RHPN1: variants seen among roughly 807,000 people sequenced by gnomAD.
The protein encoded by RHPN1 is rhophilin Rho GTPase binding protein 1, also known as rhophilin-1.
Under a neutral mutation model 74.7 loss-of-function variants are expected in RHPN1, and 77 were observed. The ratio of observed to expected loss-of-function variants is 1.03; its 90% confidence interval spans 0.86 to 1.25. The LOEUF (loss-of-function observed/expected upper bound fraction) is 1.25. RHPN1 is among the 50% of genes most tolerant of loss of function. RHPN1 has a pLI of 0.00. For synonymous variants in RHPN1, 444 were observed against 414.5 expected (o/e 1.07, Z -0.87); for missense variants, 987 against 932.2 (o/e 1.06, Z -0.77).
intron 10 of RHPN1, 44 bp downstream of exon 10, chr8:143,380,219 C>A: frequency 7.5e-7 from 1 of 1,338,676 alleles, no homozygotes; most frequent in Non-Finnish European, 1.0e-6. Context: ...CAGATGGTCA[C>A]CAACGGTGGC....
chr8:143,373,753 C>G (rs1024226777), intron 1 of RHPN1, among the ~76,000 whole-genome samples: 2 of 151,584 alleles, frequency 1.3e-5, no homozygotes, highest in Non-Finnish European at 2.9e-5. Context: ...GCCTCATCCT[C>G]CAGTCTCTGT....
Position 143,381,917 on chromosome 8 carries a change from C to A in RHPN1, c.1746C>A (p.Gly582=). 2 of 1,610,056 alleles carry A rather than the reference C, an allele frequency of 1.2e-6. No individual in the cohort carries two copies. The highest frequency in any genetic ancestry group is 1.7e-6 in the Non-Finnish European group (2 of 1,178,934). ...VTELKAAGEA[G]ASLQVVSLLP... Reference sequence around the variant, plus strand: ...AGCTGAAGGCTGCGGGAGAGGCGGGCGCCAGCCTGCAGGTGGTGTCGCTGC... The same window carrying A: ...AGCTGAAGGCTGCGGGAGAGGCGGGAGCCAGCCTGCAGGTGGTGTCGCTGC... The change falls in exon 14 of 15, where the codon GGC becomes GGA. Residue 582 remains glycine (G), a synonymous_variant. Transcript: ENST00000289013.
chr8:143,377,360 G>A lies in RHPN1; in HGVS notation c.306-20G>A, dbSNP rs373159726. ...GCAGGGTTTGGCCTTACAGTCTGAAGTCGATGCTTCTGGTTACAGCGAAGC... is the reference window on the plus strand; with the variant it reads ...GCAGGGTTTGGCCTTACAGTCTGAAATCGATGCTTCTGGTTACAGCGAAGC... On this transcript the variant is annotated intron_variant, in intron 3 of 14. Transcript: ENST00000289013. 8 of 1,608,664 alleles carry A rather than the reference G, an allele frequency of 5.0e-6. No individual in the cohort carries two copies. The Admixed American group carries it at 6.7e-5, about 13-fold the overall frequency.
At chr8:143,372,103 C>T (rs1177926624) in intron 1 of RHPN1, among the ~76,000 whole-genome samples, 1 of 152,182 alleles carries the variant, frequency 6.6e-6, no homozygotes, top group Non-Finnish European at 1.5e-5. Context: ...AGGCTCCCCG[C>T]AGCTCTCCTG....
chr8:143,371,894 G>T (rs1817845871), intron 1 of RHPN1, among the ~76,000 whole-genome samples: 1 of 152,196 alleles, frequency 6.6e-6, no homozygotes, highest in Non-Finnish European at 1.5e-5. Context: ...CCTTCCACTG[G>T]GCTCAACCTT....
rs750051202 is a variant in RHPN1, at chr8:143,379,948, C to T, written c.1065C>T (p.Ala355=). ...AGGCCGAGTACTTCCGCTCCCTGGC[C>T]CACTACCACGTAGCCATGGCCCTCT... ...HVKAEYFRSL[A]HYHVAMALCD... The change falls in exon 9 of 15, where the codon GCC becomes GCT. Residue 355 remains alanine, a synonymous_variant. Transcript: ENST00000289013. 6.3e-7 allele frequency: 1 copy of T among 1,580,544 alleles called. No individual in the cohort carries two copies. Among genetic ancestry groups the T allele is most frequent in the Admixed American group, 1.8e-5 (1 of 54,672 alleles).
intron 7 of RHPN1, 91 bp from the exon 8 acceptor site, chr8:143,379,224 G>C (rs1004749444): frequency 7.1e-7 from 1 of 1,415,140 alleles, no homozygotes; most frequent in African/African-American, 1.4e-5. Flanking sequence ...TGTGTCCCAG[G>C]AGCATCCCTA....
At chr8:143,364,284 C>T (rs565425111), upstream of RHPN1, among the ~76,000 whole-genome samples, 2 of 152,334 alleles carry the variant, frequency 1.3e-5, no homozygotes, top group Admixed American at 1.3e-4. The surrounding 1 kb of genome is among the most constrained non-coding windows in gnomAD (Gnocchi z 4.5). Flanking sequence ...TTTTTATTTG[C>T]CAGAAAAGTG....
Position 143,380,450 on chromosome 8 carries a change from C to T in RHPN1, c.1217-139C>T, listed in dbSNP as rs1586830910. 4 of 785,042 alleles carry T rather than the reference C, an allele frequency of 5.1e-6. No individual in the cohort carries two copies. In the South Asian group the frequency reaches 7.5e-5, roughly 15 times the overall value. 48.6% of individuals were successfully genotyped at this position (785,042 alleles called of 1,614,324 possible). A position where few individuals can be genotyped will look rare whatever the true frequency, so the allele number is the denominator to read the frequency against. ...TGGCAGAGCCCTCCTGCACAGCCAG[C>T]TCCTCACCCCCGTGGCGCGCACCCC... On this transcript the variant is annotated intron_variant, in intron 10 of 14. Coordinates refer to ENST00000289013, the MANE Select transcript of RHPN1 (RefSeq NM_052924.3).
At chr8:143,375,797 G>C in intron 2 of RHPN1, 129 bp downstream of exon 2, 1 of 655,156 alleles carries the variant, frequency 1.5e-6, no homozygotes, top group South Asian at 2.0e-5. Context: ...GCTGGGTCCT[G>C]GTGGGCACGT....
chr8:143,381,698 A>C lies in RHPN1; in HGVS notation c.1615A>C (p.Ile539Leu). 6.2e-7 allele frequency: 1 copy of C among 1,611,354 alleles called. No individual in the cohort carries two copies. Among genetic ancestry groups the C allele is most frequent in the South Asian group, 1.1e-5 (1 of 90,938 alleles). Residue 539 changes from isoleucine to leucine, a missense_variant, in exon 13 of 15, where the codon ATT (isoleucine) becomes CTT (leucine). Ile to Leu is a conservative substitution (Grantham distance 5). Coordinates refer to ENST00000289013, the MANE Select transcript of RHPN1 (RefSeq NM_052924.3). ...CTCGCCTGTCCTCATCGCTGCCGTC[A>C]TTCCAGGGAGCCAGGCCGCGGTAAG... ...GDSPVLIAAV[I>L]PGSQAAAAGL...
In RHPN1 at chr8:143,375,559, G is replaced by T; in HGVS notation, c.67G>T (p.Asp23Tyr). Residue 23 changes from aspartate to tyrosine, a missense_variant, in exon 2 of 15, where the codon GAC (aspartate) becomes TAC (tyrosine). Coordinates refer to ENST00000289013, the MANE Select transcript of RHPN1 (RefSeq NM_052924.3). The part of the protein sequence containing the change: ...GEESPRLQGC[D>Y]SLTQIQCGQL... ...GCCTGTGGCCTCCCTGCAGGGCTGT[G>T]ACTCCCTGACGCAGATCCAGTGCGG... 6.3e-7 allele frequency: 1 copy of T among 1,591,678 alleles called. No homozygotes were observed. The highest frequency in any genetic ancestry group is 1.1e-5 in the South Asian group (1 of 88,012).
At chr8:143,377,873 C>A (rs560246633) in intron 4 of RHPN1, among the ~76,000 whole-genome samples, 345 of 152,352 alleles carry the variant, frequency 2.3e-3, no homozygotes, top group African/African-American at 7.7e-3. Flanking sequence ...CACTGCCTGG[C>A]AGGGCCCCAC....
chr8:143,369,082 C>A (rs1817659926), intron 1 of RHPN1, 35 bp downstream of exon 1: 1 of 1,436,230 alleles, frequency 7.0e-7, no homozygotes, highest in African/African-American at 1.5e-5. Flanking sequence ...GGAGGAGGGG[C>A]CCGGAATCCC....
In RHPN1 at chr8:143,368,950, G is replaced by A. The variant is rs901682301; in HGVS notation, c.-38G>A. 44 of 1,439,852 alleles carry A rather than the reference G, an allele frequency of 3.1e-5. No homozygotes were observed. In the African/African-American group the frequency reaches 5.1e-4, roughly 17 times the overall value. 89.2% of individuals were successfully genotyped at this position (1,439,852 alleles called of 1,614,324 possible). A position where few individuals can be genotyped will look rare whatever the true frequency, so the allele number is the denominator to read the frequency against. On this transcript the variant is annotated 5_prime_UTR_variant, in exon 1 of 15. Transcript: ENST00000289013. ...GGAGCGCTGCGCGAGCGGCGGGCTG[G>A]CTGACCCCGAGGGACCCCCAGCGCA... is the stretch of plus-strand genomic sequence containing the variant.
upstream of RHPN1, among the ~76,000 whole-genome samples, chr8:143,365,241 C>T (rs1189725252): frequency 6.6e-6 from 1 of 152,152 alleles, no homozygotes; most frequent in Non-Finnish European, 1.5e-5. Flanking sequence ...TAAGTACCAG[C>T]GATCAGCATC....
intron 1 of RHPN1, among the ~76,000 whole-genome samples, chr8:143,374,886 G>T (rs1214932337): frequency 6.6e-6 from 1 of 152,248 alleles, no homozygotes; most frequent in African/African-American, 2.4e-5. Flanking sequence ...CGCCATGGCT[G>T]GTGCTGGGCA....
chr8:143,365,069 G>A (rs545718910), upstream of RHPN1, among the ~76,000 whole-genome samples: 1 of 152,216 alleles, frequency 6.6e-6, no homozygotes, highest in East Asian at 1.9e-4. Flanking sequence ...ATCTTAACAG[G>A]CGCAACAGTG....
Position 143,376,682 on chromosome 8 carries a change from C to T in RHPN1, c.305+29C>T, listed in dbSNP as rs76059916. ...CGGGTGGGGGCCGGGACAGCACGTGCGTGTATGTGTGTGCACGTGTGCGTG... is the reference window on the plus strand; with the variant it reads ...CGGGTGGGGGCCGGGACAGCACGTGTGTGTATGTGTGTGCACGTGTGCGTG... On this transcript the variant is annotated intron_variant, in intron 3 of 14. Coordinates refer to ENST00000289013, the MANE Select transcript of RHPN1 (RefSeq NM_052924.3). The T allele has an allele frequency of 4.9e-4, 757 of 1,544,870 alleles. 3 individuals carry two copies. The East Asian group carries it at 0.011, about 22-fold the overall frequency.
Sources: gnomAD v4.1 joint callset for allele counts (sites outside exome capture counted in the v4.1 genomes callset) on GRCh38, gnomAD v4.1.1 for gene constraint, Gnocchi (gnomAD v3.1) non-coding constraint, MANE v1.5 for transcripts, NCBI Gene and HGNC (gene_info 2026-07-23, HGNC 2026-07-21) for gene names.